The following FGGY variants were observed in gnomAD, a reference collection of about 807,000 sequenced individuals.
FGGY encodes the protein FGGY carbohydrate kinase domain containing, also known as FGGY carbohydrate kinase domain-containing protein.
A neutral mutation model predicts 71.3 loss-of-function variants in FGGY; 72 were observed. The ratio of observed to expected loss-of-function variants is 1.01; its 90% CI spans 0.84 to 1.23. FGGY has a LOEUF of 1.23. FGGY is among the 50% of genes most tolerant of loss of function. FGGY has a pLI of 0.00. For synonymous variants in FGGY, 251 were observed against 250.3 expected (o/e 1.00, Z -0.02); for missense variants, 668 against 682.3 (o/e 0.98, Z 0.23).
At chr1:59,683,016 A>G (rs1292571350) in intron 14 of FGGY, among the ~76,000 whole-genome samples, 1 of 152,166 alleles carries the variant, frequency 6.6e-6, no homozygotes, top group East Asian at 1.9e-4. Context: ...GGCCCTTTGA[A>G]TAGCACTAAA....
At chr1:59,551,933 G>A (rs1025538125) in intron 7 of FGGY, among the ~76,000 whole-genome samples, 2 of 152,144 alleles carry the variant, frequency 1.3e-5, no homozygotes, top group African/African-American at 4.8e-5. Context: ...GATTCACTCA[G>A]CAAAACACAA....
intron 4 of FGGY, among the ~76,000 whole-genome samples, chr1:59,360,832 T>G (rs534078002): frequency 6.6e-6 from 1 of 152,148 alleles, no homozygotes; most frequent in East Asian, 1.9e-4. Flanking sequence ...TCCGGAAGAC[T>G]TGGGGAGAGG....
chr1:59,466,300 A>G (rs1038449102), intron 6 of FGGY, among the ~76,000 whole-genome samples: 1 of 152,194 alleles, frequency 6.6e-6, no homozygotes, highest in African/African-American at 2.4e-5. Context: ...CTGGCTAGCC[A>G]TATGTAGAAA....
chr1:59,588,162 G>A (rs937093811), intron 8 of FGGY, among the ~76,000 whole-genome samples: 3 of 152,348 alleles, frequency 2.0e-5, no homozygotes, highest in Non-Finnish European at 2.9e-5. Context: ...AGCCTCAGGA[G>A]CCGATGTGAT....
rs34026954 is a variant in FGGY at position 59,607,878 on chromosome 1, A to C, written c.979A>C (p.Asn327His). Residue 327 changes from asparagine (N) to histidine (H), a missense_variant, in exon 9 of 16, where the codon AAT becomes CAT. Asn to His is a moderately conservative substitution (Grantham distance 68, BLOSUM62 1). Around this residue, in one of 2 missense-constraint regions of FGGY, gnomAD observed 661 missense variants for 661.6 expected, o/e 1.00. Transcript: ENST00000303721. ...AGCCATGGTACCTGGGTTCTGGCTG[A>C]ATGAAGGTGGTCAGAGCGTTACTGG... ...FSAMVPGFWL[N>H]EGGQSVTGKL... is the part of the protein sequence containing the mutation. 1.1e-3 allele frequency: 1,765 copies of C among 1,614,072 alleles called. 3 individuals are homozygous for C. The highest frequency in any genetic ancestry group is 1.2e-3 in the Non-Finnish European group (1,463 of 1,179,962).
At chr1:59,336,086 C>A (rs1179843154) in intron 2 of FGGY, among the ~76,000 whole-genome samples, 1 of 151,986 alleles carries the variant, frequency 6.6e-6, no homozygotes, top group Non-Finnish European at 1.5e-5. Context: ...ACAATGTTCT[C>A]CTGTTTTCTT....
intron 11 of FGGY, among the ~76,000 whole-genome samples, chr1:59,651,727 C>T (rs12752541): frequency 0.83 from 123,459 of 149,242 alleles, 51,262 homozygotes; most frequent in Middle Eastern, 0.92. Context: ...CTGTGTCTTT[C>T]AATTGGAGAA....
chr1:59,456,687 A>G (rs2153512245), intron 5 of FGGY, among the ~76,000 whole-genome samples: 1 of 152,272 alleles, frequency 6.6e-6, no homozygotes, highest in Admixed American at 6.5e-5. Flanking sequence ...ACCTTAAGTG[A>G]TCTGCCTGCC....
At chr1:59,482,866 C>G (rs1358409050) in intron 6 of FGGY, among the ~76,000 whole-genome samples, 16 of 151,914 alleles carry the variant, frequency 1.1e-4, no homozygotes, top group Non-Finnish European at 1.3e-4. Context: ...ACTGACATTT[C>G]CTTTTTGGGC....
At chr1:59,698,639 T>C in intron 14 of FGGY, 1 of 511,690 alleles carries the variant, frequency 2.0e-6, no homozygotes, top group Non-Finnish European at 2.5e-6. Flanking sequence ...TGGGAATTTT[T>C]TTTTCTTGCT....
intron 1 of FGGY, among the ~76,000 whole-genome samples, chr1:59,305,884 T>A (rs2043364284): frequency 6.6e-6 from 1 of 152,224 alleles, no homozygotes; most frequent in African/African-American, 2.4e-5. Context: ...GCATTCTTCT[T>A]CTGTGCAGCT....
rs181874229 is a variant in FGGY, at chr1:59,646,233, G to A, written c.1221+7858G>A. 8.9e-4 allele frequency among the ~76,000 whole-genome samples: 135 copies of A among 152,302 alleles called. 1 individual carries two copies. Among genetic ancestry groups the A allele is most frequent in the African/African-American group, 1.5e-3 (64 of 41,566 alleles). On this transcript the variant is annotated intron_variant, in intron 11 of 15. Transcript: ENST00000303721. ...CTAATTGAAGTAGCTTTCAAATGAT[G>A]TATTTATAAGCTTTGGAAACACATG...
chr1:59,622,342 C>A (rs912725383), intron 9 of FGGY, among the ~76,000 whole-genome samples: 1 of 152,042 alleles, frequency 6.6e-6, no homozygotes, highest in Non-Finnish European at 1.5e-5. Context: ...TTACATTTTC[C>A]TGTTCCTCAA....
intron 13 of FGGY, among the ~76,000 whole-genome samples, chr1:59,668,615 A>T (rs2097346659): frequency 6.6e-6 from 1 of 152,170 alleles, no homozygotes. Context: ...ACATCATGAG[A>T]TGAAACTAAG....
chr1:59,499,928 T>C (rs913651113), intron 6 of FGGY, among the ~76,000 whole-genome samples: 2 of 152,232 alleles, frequency 1.3e-5, no homozygotes, highest in Admixed American at 6.5e-5. Context: ...TATGTGTGTG[T>C]GTGTAAATAT....
intron 10 of FGGY, among the ~76,000 whole-genome samples, chr1:59,636,278 CT>C (rs1042013696): frequency 1.1e-4 from 16 of 152,206 alleles, no homozygotes; most frequent in Admixed American, 1.0e-3. Context: ...AGCAGCTTTG[CT>C]TTTCTATATT....
intron 9 of FGGY, among the ~76,000 whole-genome samples, chr1:59,625,128 A>C (rs189759689): frequency 6.6e-6 from 1 of 152,276 alleles, no homozygotes; most frequent in East Asian, 1.9e-4. Context: ...AAATAAATCT[A>C]TCAGAATGGT....
intron 14 of FGGY, among the ~76,000 whole-genome samples, chr1:59,713,782 G>A (rs374969044): frequency 4.4e-4 from 67 of 152,340 alleles, no homozygotes; most frequent in African/African-American, 1.6e-3. Flanking sequence ...CTTCCCACAT[G>A]TGGGGCTGGA....
chr1:59,302,066 A>G (rs542316560), intron 1 of FGGY, among the ~76,000 whole-genome samples: 4 of 151,908 alleles, frequency 2.6e-5, no homozygotes, highest in Non-Finnish European at 5.9e-5. Flanking sequence ...AAAGATTCTT[A>G]ATGTGGTGAA....
Sources: allele counts gnomAD v4.1 joint callset (sites outside exome capture counted in the v4.1 genomes callset), GRCh38; gene constraint gnomAD v4.1.1; regional missense constraint gnomAD v4.1.1; transcripts MANE v1.5; gene names NCBI Gene and HGNC (gene_info 2026-07-23, HGNC 2026-07-21).